TACC2: variants seen among roughly 807,000 people sequenced by gnomAD.
The protein encoded by TACC2 is transforming acidic coiled-coil-containing protein 2.
In TACC2, 137 loss-of-function variants were observed where a neutral mutation model predicts 227.3. That is an observed-to-expected ratio of 0.60 (90% CI 0.52 to 0.69). The LOEUF is 0.69. TACC2 is among the 30% of genes least tolerant of loss of function. The pLI, the probability that TACC2 is intolerant of heterozygous loss-of-function variation, is 0.00. For synonymous variants in TACC2, 1,523 were observed against 1,487.5 expected (o/e 1.02, Z -0.55); for missense variants, 3,470 against 3,694.4 (o/e 0.94, Z 1.57).
chr10:122,215,955 C>T (rs1351262731), intron 10 of TACC2, among the ~76,000 whole-genome samples: 1 of 152,146 alleles, frequency 6.6e-6, no homozygotes, highest in Non-Finnish European at 1.5e-5. Flanking sequence ...TTTCTTCTAC[C>T]CTGTTTACAG....
chr10:122,059,242 C>G (rs928360517), intron 3 of TACC2, among the ~76,000 whole-genome samples: 4 of 151,870 alleles, frequency 2.6e-5, no homozygotes, highest in Non-Finnish European at 4.4e-5. Context: ...ATAAGCACCC[C>G]AGGTGATTCT....
chr10:122,083,022 AAGAG>A lies in TACC2; in HGVS notation c.528_531del (p.Glu176AspfsTer33). On this transcript the variant is annotated frameshift_variant, in exon 4 of 23. Coordinates refer to ENST00000369005, the MANE Select transcript of TACC2 (RefSeq NM_206862.4). LOFTEE classifies it high-confidence loss of function. ...AGATTGCTGCCGTCCCCAGTGCTGG[AAGAG>A]AGAGACAGCCGAAGGAAGAAGGACA... is the stretch of plus-strand genomic sequence containing the variant. The A allele has an allele frequency of 6.2e-7, 1 of 1,612,548 alleles. No individual in the cohort carries two copies. Among genetic ancestry groups the A allele is most frequent in the Non-Finnish European group, 8.5e-7 (1 of 1,179,998 alleles).
intron 18 of TACC2, among the ~76,000 whole-genome samples, chr10:122,238,456 T>A (rs74661016): frequency 0.015 from 2,259 of 152,332 alleles, 54 homozygotes; most frequent in African/African-American, 0.047. Context: ...TTAATTAATT[T>A]ATTTTTTTGA....
At chr10:122,101,584 G>T (rs1264635723) in intron 5 of TACC2, among the ~76,000 whole-genome samples, 3 of 101,662 alleles carry the variant, frequency 3.0e-5, no homozygotes, top group Non-Finnish European at 5.4e-5. Context: ...TTTTGAGACA[G>T]AATCTTGCTC....
chr10:122,155,089 C>T (rs1462968482), intron 7 of TACC2, among the ~76,000 whole-genome samples: 2 of 152,202 alleles, frequency 1.3e-5, no homozygotes, highest in Non-Finnish European at 2.9e-5. Context: ...TGTCTCTGTT[C>T]AAAATGAGGG....
In TACC2 at chr10:122,211,471, C is replaced by G. The variant is rs1342007948; in HGVS notation, c.7046C>G (p.Pro2349Arg). The G allele has an allele frequency of 6.2e-7, 1 of 1,613,944 alleles. No individual in the cohort carries two copies. Among genetic ancestry groups the G allele is most frequent in the Non-Finnish European group, 8.5e-7 (1 of 1,180,020 alleles). The part of the protein sequence containing the change: ...IDKWDDPNFN[P>R]FSSTSKMQES... ...AAGTGGGATGACCCCAATTTTAACC[C>G]TTTTTCTTCCACCTCAAAAATGCAG... The change falls in exon 9 of 23, where the codon CCT (proline) becomes CGT (arginine). Residue 2349 changes from proline to arginine, a missense_variant. Physicochemically the swap from Pro to Arg is moderately radical, Grantham distance 103. Around this residue, in one of 10 missense-constraint regions of TACC2, gnomAD observed 593 missense variants for 636.6 expected, o/e 0.93. Coordinates refer to ENST00000369005, the MANE Select transcript of TACC2 (RefSeq NM_206862.4).
chr10:122,155,315 TA>T (rs2092391174), intron 7 of TACC2, among the ~76,000 whole-genome samples: 1 of 152,232 alleles, frequency 6.6e-6, no homozygotes, highest in Non-Finnish European at 1.5e-5. Flanking sequence ...ATGTTTTCCT[TA>T]AAAGGCCTTT....
In TACC2 at chr10:122,087,784, G is replaced by A. The variant is rs1188741221; in HGVS notation, c.5284G>A (p.Ala1762Thr). ...CAAGGCTCCGGGGATGGAGGGTACA[G>A]CTGCCCTTCATGGGGACAGCCCAGC... ...SDKAPGMEGT[A>T]ALHGDSPARP... Residue 1762 changes from alanine (A) to threonine (T), a missense_variant, in exon 4 of 23, where the codon GCT (alanine) becomes ACT (threonine). By Grantham distance (58) the Ala-to-Thr change is moderately conservative. Around this residue, in one of 10 missense-constraint regions of TACC2, gnomAD observed 1,924 missense variants for 1,978.3 expected, o/e 0.97. Coordinates refer to ENST00000369005, the MANE Select transcript of TACC2 (RefSeq NM_206862.4). The A allele has an allele frequency of 6.3e-7, 1 of 1,598,930 alleles. No homozygotes were observed. Among genetic ancestry groups the A allele is most frequent in the South Asian group, 1.1e-5 (1 of 88,022 alleles).
At chr10:122,175,539 A>G (rs1334009545) in intron 7 of TACC2, among the ~76,000 whole-genome samples, 1 of 152,148 alleles carries the variant, frequency 6.6e-6, no homozygotes, top group Non-Finnish European at 1.5e-5. Flanking sequence ...TTCTCGATGT[A>G]GGCTCAAAAT....
At chr10:122,115,924 C>CA (rs2084624027) in intron 5 of TACC2, among the ~76,000 whole-genome samples, 1 of 152,136 alleles carries the variant, frequency 6.6e-6, no homozygotes, top group Admixed American at 6.5e-5. Context: ...GCTAGAGGAG[C>CA]ATAGAGATGG....
chr10:122,214,986 G>T (rs183206563), intron 9 of TACC2, among the ~76,000 whole-genome samples: 1 of 152,102 alleles, frequency 6.6e-6, no homozygotes, highest in East Asian at 1.9e-4. Flanking sequence ...CGCCTTGCCC[G>T]TCTGTAAATT....
At chr10:122,218,633 A>G (rs1182431664) in intron 11 of TACC2, among the ~76,000 whole-genome samples, 1 of 152,098 alleles carries the variant, frequency 6.6e-6, no homozygotes, top group Non-Finnish European at 1.5e-5. Flanking sequence ...GTATACTTGT[A>G]CCTTTTGGCA....
At chr10:122,074,184 G>A (rs181564489) in intron 3 of TACC2, among the ~76,000 whole-genome samples, 31 of 146,132 alleles carry the variant, frequency 2.1e-4, no homozygotes, top group Middle Eastern at 7.5e-3. Context: ...AAGTTCAAGC[G>A]ATTCTCCTGC....
chr10:122,008,250 T>TTAC (rs1396435712), intron 1 of TACC2, among the ~76,000 whole-genome samples: 1,442 of 66,608 alleles, frequency 0.022, 10 homozygotes, highest in Middle Eastern at 0.045. Flanking sequence ...CCCTTTGTTA[T>TTAC]TATTATTATT....
intron 2 of TACC2, among the ~76,000 whole-genome samples, chr10:122,024,573 CT>C (rs1957760702): frequency 6.6e-6 from 1 of 152,204 alleles, no homozygotes. Context: ...TCCCTAACCC[CT>C]GGCAACCACT....
At position 122,083,820 on chromosome 10, in the gene TACC2, A is replaced by G. The variant is rs1391745803; in HGVS notation, c.1320A>G (p.Ser440=). 6.2e-7 allele frequency: 1 copy of G among 1,614,172 alleles called. No individual in the cohort carries two copies. The highest frequency in any genetic ancestry group is 2.2e-5 in the East Asian group (1 of 44,886). The change falls in exon 4 of 23, where the codon TCA becomes TCG. Residue 440 remains serine, a synonymous_variant. Coordinates refer to ENST00000369005, the MANE Select transcript of TACC2 (RefSeq NM_206862.4). The part of the protein sequence containing the change: ...IPIAVEEPGS[S]SRESVSKAGM... ...TTGCTGTAGAAGAACCTGGATCATC[A>G]TCCAGGGAATCAGTTTCCAAGGCTG...
intron 7 of TACC2, among the ~76,000 whole-genome samples, chr10:122,188,737 C>T (rs146281239): frequency 1.3e-5 from 2 of 152,198 alleles, no homozygotes; most frequent in Admixed American, 6.5e-5. Flanking sequence ...ATGGTCAGGA[C>T]GGCGATGGCC....
At position 122,203,531 on chromosome 10, in the gene TACC2, G is replaced by C. The variant is rs1373694738; in HGVS notation, c.5972-6866G>C. Among the ~76,000 whole-genome samples the C allele has an allele frequency of 3.3e-5, 5 of 151,828 alleles. No homozygotes were observed. In the South Asian group the frequency reaches 8.3e-4, roughly 25 times the overall value. On this transcript the variant is annotated intron_variant, in intron 8 of 22. Coordinates refer to ENST00000369005, the MANE Select transcript of TACC2 (RefSeq NM_206862.4). ...TCCTCACTTCTCAGACGGGGCGGCC[G>C]GGCAGAGACGCTCCTCACATCCCGG... is the stretch of plus-strand genomic sequence containing the variant.
At chr10:122,027,313 C>A (rs1300764166) in intron 2 of TACC2, among the ~76,000 whole-genome samples, 3 of 152,062 alleles carry the variant, frequency 2.0e-5, no homozygotes, top group Non-Finnish European at 4.4e-5. Context: ...TGTTTGTTTT[C>A]TTATTATTGA....
Sources: gnomAD v4.1 joint callset for allele counts (sites outside exome capture counted in the v4.1 genomes callset) on GRCh38, gnomAD v4.1.1 for gene constraint, gnomAD v4.1.1 regional missense constraint, MANE v1.5 for transcripts, NCBI Gene and HGNC (gene_info 2026-07-23, HGNC 2026-07-21) for gene names.